ADD1: variants seen among roughly 807,000 people sequenced by gnomAD.
The protein encoded by ADD1 is adducin 1, also known as alpha-adducin.
A neutral mutation model predicts 80.5 loss-of-function variants in ADD1; 24 were observed. The ratio of observed to expected loss-of-function variants is 0.30; its 90% CI spans 0.22 to 0.42. ADD1 has a LOEUF of 0.42. Among genes scored for constraint, ADD1 ranks in the 10% least tolerant of loss-of-function variants. ADD1 has a pLI of 1.00. For synonymous variants in ADD1, 373 were observed against 393.8 expected, an observed-to-expected ratio of 0.95 and a Z score of 0.63; for missense variants, 948 against 1,019.0, an observed-to-expected ratio of 0.93 and a Z score of 0.95.
Position 2,869,297 on chromosome 4 carries a change from G to A in ADD1, c.-20-6599G>A, listed in dbSNP as rs775429608. Among the ~76,000 whole-genome samples, 12 of 152,148 alleles carry A rather than the reference G, an allele frequency of 7.9e-5. No homozygotes were observed. The East Asian group carries it at 2.3e-3, about 29-fold the overall frequency. On this transcript the variant is annotated intron_variant, in intron 1 of 15. Coordinates refer to ENST00000683351, the MANE Select transcript of ADD1 (RefSeq NM_001354761.2). ...CTCCCGAGGCTGTGAGGGAGAATGGGCCCCATCCTAGCTCGGTAGTCGGCA... is the reference window on the plus strand; with the variant it reads ...CTCCCGAGGCTGTGAGGGAGAATGGACCCCATCCTAGCTCGGTAGTCGGCA...
At chr4:2,915,905 C>T (rs1738940361) in intron 14 of ADD1, among the ~76,000 whole-genome samples, 1 of 152,174 alleles carries the variant, frequency 6.6e-6, no homozygotes, top group Non-Finnish European at 1.5e-5. Flanking sequence ...GTGGTGGCCA[C>T]TCACAAGAGT....
intron 13 of ADD1, 172 bp from the exon 14 acceptor site, chr4:2,914,712 T>C: frequency 1.5e-6 from 1 of 652,782 alleles, no homozygotes; most frequent in Non-Finnish European, 2.6e-6. Flanking sequence ...TTCCATTATA[T>C]ACCACTGAAG....
chr4:2,851,129 C>T (rs1469389583), intron 1 of ADD1, among the ~76,000 whole-genome samples: 1 of 152,080 alleles, frequency 6.6e-6, no homozygotes, highest in Non-Finnish European at 1.5e-5. Flanking sequence ...CTGACTGTAA[C>T]CTGGAACTCC....
chr4:2,848,148 G>A (rs1014167481), intron 1 of ADD1, among the ~76,000 whole-genome samples: 1 of 151,840 alleles, frequency 6.6e-6, no homozygotes, highest in African/African-American at 2.4e-5. Context: ...CCAGGAGGCG[G>A]AGGTTACAGT....
At chr4:2,844,140 G>A (rs1725803677) in intron 1 of ADD1, 116 bp downstream of exon 1, 2 of 149,190 alleles carry the variant, frequency 1.3e-5, no homozygotes, top group African/African-American at 4.9e-5. Context: ...GCGGCGGCCC[G>A]GGCAGCCTCG....
chr4:2,858,991 A>G (rs1256817756), intron 1 of ADD1, among the ~76,000 whole-genome samples: 1 of 152,228 alleles, frequency 6.6e-6, no homozygotes, highest in East Asian at 1.9e-4. Context: ...CAATAAGCCT[A>G]TGAAGTGATC....
intron 11 of ADD1, among the ~76,000 whole-genome samples, chr4:2,908,229 C>G (rs889590356): frequency 1.3e-5 from 2 of 152,250 alleles, no homozygotes; most frequent in Admixed American, 1.3e-4. Flanking sequence ...GATGGACATG[C>G]AGCGAGTGTT....
At chr4:2,849,354 A>G (rs1394736344) in intron 1 of ADD1, among the ~76,000 whole-genome samples, 1 of 152,140 alleles carries the variant, frequency 6.6e-6, no homozygotes. Flanking sequence ...TCTGAGCAAT[A>G]TATGCCTCCA....
At chr4:2,876,229 C>A in intron 2 of ADD1, 119 bp downstream of exon 2, 1 of 919,722 alleles carries the variant, frequency 1.1e-6, no homozygotes, top group Non-Finnish European at 1.6e-6. Flanking sequence ...AAATCAGTGC[C>A]TTGAGTATAC....
Position 2,928,566 on chromosome 4 carries a change from C to G in ADD1, c.*43C>G. 1 of 1,571,488 alleles carries G rather than the reference C, an allele frequency of 6.4e-7. No individual in the cohort carries two copies. The highest frequency in any genetic ancestry group is 8.6e-7 in the Non-Finnish European group (1 of 1,158,474). ...TGTCCTGTCCGGAGCGACCCTGGCT[C>G]TGCCAGCGTCCCCGGCCACGTCTGT... On this transcript the variant is annotated 3_prime_UTR_variant, in exon 16 of 16. Coordinates refer to ENST00000683351, the MANE Select transcript of ADD1 (RefSeq NM_001354761.2).
intron 4 of ADD1, among the ~76,000 whole-genome samples, chr4:2,885,869 C>T (rs183451440): frequency 8.3e-4 from 126 of 152,272 alleles, no homozygotes; most frequent in Middle Eastern, 3.4e-3. Flanking sequence ...CTTGGCCTCC[C>T]AAAGTGCTGG....
chr4:2,856,538 C>T (rs540583706), intron 1 of ADD1, among the ~76,000 whole-genome samples: 78 of 148,916 alleles, frequency 5.2e-4, no homozygotes, highest in Non-Finnish European at 9.2e-4. Context: ...ATTTACTGTT[C>T]CCTATTTATT....
chr4:2,906,498 A>G (rs1175679270), intron 10 of ADD1, among the ~76,000 whole-genome samples: 1 of 152,144 alleles, frequency 6.6e-6, no homozygotes, highest in Non-Finnish European at 1.5e-5. Flanking sequence ...CGCGAGCTTT[A>G]TTTACCATTA....
At position 2,884,536 on chromosome 4, in the gene ADD1, T is replaced by C; in HGVS notation, c.380T>C (p.Val127Ala). 1 of 1,608,552 alleles carries C rather than the reference T, an allele frequency of 6.2e-7. No individual in the cohort carries two copies. The highest frequency in any genetic ancestry group is 8.5e-7 in the Non-Finnish European group (1 of 1,176,278). Reference protein sequence around the residue: ...LNMSLGMVTPVNDLRGSDSIA... With the variant: ...LNMSLGMVTPANDLRGSDSIA... ...TCAGGTCTTGGTATGGTGACTCCTG[T>C]GAACGATCTTAGAGGATCTGATTCT... The change falls in exon 4 of 16, where the codon GTG (valine) becomes GCG (alanine). Residue 127 changes from valine (V) to alanine (A), a missense_variant. By Grantham distance (64) the Val-to-Ala change is moderately conservative. Coordinates refer to ENST00000683351, the MANE Select transcript of ADD1 (RefSeq NM_001354761.2).
At chr4:2,880,471 T>C (rs1400306338) in intron 2 of ADD1, among the ~76,000 whole-genome samples, 1 of 117,328 alleles carries the variant, frequency 8.5e-6, no homozygotes, top group East Asian at 2.4e-4. Context: ...TTCTTTTTTT[T>C]TTTTTTTTTT....
At chr4:2,882,740 G>C (rs1436481552) in intron 3 of ADD1, among the ~76,000 whole-genome samples, 6 of 152,180 alleles carry the variant, frequency 3.9e-5, no homozygotes, top group Admixed American at 2.6e-4. Context: ...CAACAGATCT[G>C]ATATATATTG....
intron 1 of ADD1, among the ~76,000 whole-genome samples, chr4:2,852,413 G>A (rs1364200850): frequency 2.9e-5 from 4 of 139,368 alleles, no homozygotes; most frequent in South Asian, 2.3e-4. Flanking sequence ...TGCAACCTCC[G>A]CCTCCCGGGT....
Position 2,926,586 on chromosome 4 carries a change from G to C in ADD1, c.2047+474G>C. On this transcript the variant is annotated intron_variant, in intron 15 of 15. Transcript: ENST00000683351. This position sits in a 1 kb window ranked among gnomAD's most constrained non-coding sequence, Gnocchi z 5.0. ...CTTCTGTAACCTGATGGCTGTGACT[G>C]AATGCATAGATTCTCTCCTTGTGCT... 6.3e-7 allele frequency: 1 copy of C among 1,597,786 alleles called. No homozygotes were observed. The highest frequency in any genetic ancestry group is 8.6e-7 in the Non-Finnish European group (1 of 1,167,988).
At chr4:2,898,745 A>G in intron 8 of ADD1, 1 of 560,358 alleles carries the variant, frequency 1.8e-6, no homozygotes, top group Non-Finnish European at 3.2e-6. Context: ...TCTAATTTTT[A>G]AATTTTCAAA....
Sources: allele counts gnomAD v4.1 joint callset (sites outside exome capture counted in the v4.1 genomes callset), GRCh38; gene constraint gnomAD v4.1.1; non-coding constraint Gnocchi (gnomAD v3.1); transcripts MANE v1.5; gene names NCBI Gene and HGNC (gene_info 2026-07-23, HGNC 2026-07-21).